Variants in KIRREL1 observed in about 807,000 individuals in gnomAD.
KIRREL1 encodes kin of IRRE-like protein 1.
KIRREL1 carries 25 observed loss-of-function variants against 83.3 expected under a neutral mutation model. The observed-to-expected ratio is 0.30, with a 90% CI of 0.22 to 0.42. The LOEUF (loss-of-function observed/expected upper bound fraction) is 0.42. Ranked by LOEUF, KIRREL1 falls within the 10% of genes least tolerant of loss-of-function variation. The pLI is 1.00. For synonymous variants in KIRREL1, 388 were observed against 410.4 expected (o/e 0.95, Z 0.66); for missense variants, 812 against 1,032.3 (o/e 0.79, Z 2.92).
At chr1:158,052,513 C>T (rs1343453035) in intron 1 of KIRREL1, among the ~76,000 whole-genome samples, 1 of 152,052 alleles carries the variant, frequency 6.6e-6, no homozygotes, top group East Asian at 1.9e-4. Flanking sequence ...GGCGCGGTGG[C>T]TCACGCCTGT....
chr1:158,061,076 A>G (rs1661204803), intron 1 of KIRREL1, among the ~76,000 whole-genome samples: 1 of 151,842 alleles, frequency 6.6e-6, no homozygotes. Context: ...TTGTTCTTGG[A>G]GCCCTCCTGT....
intron 1 of KIRREL1, among the ~76,000 whole-genome samples, chr1:158,029,293 C>T (rs1424537844): frequency 6.6e-6 from 1 of 150,508 alleles, no homozygotes; most frequent in Non-Finnish European, 1.5e-5. Flanking sequence ...AGTGCATCTT[C>T]AATAGCTGCC....
intron 1 of KIRREL1, among the ~76,000 whole-genome samples, chr1:158,023,458 A>C (rs1479017726): frequency 6.6e-6 from 1 of 152,222 alleles, no homozygotes; most frequent in East Asian, 1.9e-4. Context: ...CAATAATACC[A>C]GTCTCAAATA....
Position 158,093,670 on chromosome 1 carries a change from G to A in KIRREL1, c.1627G>A (p.Val543Met), listed in dbSNP as rs752354016. 11 of 1,614,214 alleles carry A rather than the reference G, an allele frequency of 6.8e-6. No individual in the cohort carries two copies. Among genetic ancestry groups the A allele is most frequent in the Non-Finnish European group, 7.6e-6 (9 of 1,180,046 alleles). Reference sequence around the variant, plus strand: ...GAAGCTGGATATCAAGGTGGAGACAGTGAACCGAGAGCCACTTACGATGCA... The same window carrying A: ...GAAGCTGGATATCAAGGTGGAGACAATGAACCGAGAGCCACTTACGATGCA... ...LRKLDIKVET[V>M]NREPLTMHSD... Residue 543 changes from valine (V) to methionine (M), a missense_variant, in exon 13 of 15, where the codon GTG becomes ATG. Val to Met is a conservative substitution (Grantham distance 21, BLOSUM62 1). Coordinates refer to ENST00000359209, the MANE Select transcript of KIRREL1 (RefSeq NM_018240.7).
intron 1 of KIRREL1, among the ~76,000 whole-genome samples, chr1:158,058,203 C>G (rs1319506618): frequency 6.6e-6 from 1 of 152,146 alleles, no homozygotes; most frequent in Non-Finnish European, 1.5e-5. Context: ...TCCTGCACCA[C>G]CACTGACTCA....
intron 1 of KIRREL1, among the ~76,000 whole-genome samples, chr1:158,023,669 A>G (rs1157181701): frequency 2.6e-5 from 4 of 152,176 alleles, no homozygotes; most frequent in African/African-American, 4.8e-5. Context: ...TCCTGGGTGC[A>G]CCGGGAAAAT....
intron 1 of KIRREL1, among the ~76,000 whole-genome samples, chr1:158,023,519 G>C (rs7527643): frequency 0.05 from 7,568 of 152,150 alleles, 349 homozygotes; most frequent in African/African-American, 0.12. Flanking sequence ...AGCATAAGAG[G>C]CATAATTACA....
At chr1:158,079,933 T>C (rs544512625) in intron 3 of KIRREL1, among the ~76,000 whole-genome samples, 58 of 152,310 alleles carry the variant, frequency 3.8e-4, no homozygotes, top group Admixed American at 2.0e-3. Flanking sequence ...GCCAATTTCA[T>C]TGGATGTAAA....
intron 1 of KIRREL1, among the ~76,000 whole-genome samples, chr1:158,052,792 A>C (rs1213686372): frequency 6.6e-6 from 1 of 152,174 alleles, no homozygotes; most frequent in Non-Finnish European, 1.5e-5. Context: ...TTTCAAAAAA[A>C]AAGAGAGAGA....
In KIRREL1 at chr1:158,061,870, T is replaced by C. The variant is rs186054955; in HGVS notation, c.53-14243T>C. ...GGAGGACGGGGATTTGAAGGTTGCA[T>C]AGCAGGCTGTGGATGGATGTAGGTC... On this transcript the variant is annotated intron_variant, in intron 1 of 14. Coordinates refer to ENST00000359209, the MANE Select transcript of KIRREL1 (RefSeq NM_018240.7). 2.6e-4 allele frequency among the ~76,000 whole-genome samples: 40 copies of C among 152,284 alleles called. No individual in the cohort carries two copies. The South Asian group carries it at 5.8e-3, about 22-fold the overall frequency.
chr1:157,994,191 A>T (rs1413778719), intron 1 of KIRREL1, among the ~76,000 whole-genome samples: 3 of 152,124 alleles, frequency 2.0e-5, no homozygotes, highest in Non-Finnish European at 2.9e-5. Context: ...AGATGTTGCC[A>T]AGGGGATCCC....
At chr1:158,033,352 G>A (rs1024211974) in intron 1 of KIRREL1, among the ~76,000 whole-genome samples, 3 of 152,164 alleles carry the variant, frequency 2.0e-5, no homozygotes, top group Admixed American at 6.5e-5. Flanking sequence ...GATTACAGGC[G>A]TGAGCCACCG....
At chr1:158,024,700 T>A (rs1660115921) in intron 1 of KIRREL1, among the ~76,000 whole-genome samples, 2 of 151,734 alleles carry the variant, frequency 1.3e-5, no homozygotes. Flanking sequence ...AACATAACGG[T>A]TTATAGAGGA....
chr1:158,055,415 A>T (rs1239282340), intron 1 of KIRREL1, among the ~76,000 whole-genome samples: 2 of 152,152 alleles, frequency 1.3e-5, no homozygotes, highest in East Asian at 3.9e-4. Flanking sequence ...TTTGAGAGAG[A>T]TCAGCTGGCA....
At chr1:157,999,389 T>G (rs905187587) in intron 1 of KIRREL1, among the ~76,000 whole-genome samples, 18 of 152,210 alleles carry the variant, frequency 1.2e-4, no homozygotes, top group African/African-American at 3.4e-4. Flanking sequence ...ACTTTTCACA[T>G]GTACCATTTG....
intron 3 of KIRREL1, 106 bp from the exon 4 acceptor site, chr1:158,084,316 A>C: frequency 1.8e-6 from 2 of 1,124,524 alleles, no homozygotes; most frequent in Non-Finnish European, 2.5e-6. Context: ...CCGCCTACCT[A>C]GAGGCGCACA....
intron 1 of KIRREL1, among the ~76,000 whole-genome samples, chr1:158,017,421 G>A (rs1659861008): frequency 1.3e-5 from 2 of 151,560 alleles, no homozygotes. Flanking sequence ...GCCTAGCGCA[G>A]TGGCTCACGC....
At chr1:158,069,336 G>A (rs1210288876) in intron 1 of KIRREL1, among the ~76,000 whole-genome samples, 10 of 151,438 alleles carry the variant, frequency 6.6e-5, no homozygotes, top group African/African-American at 2.4e-4. Flanking sequence ...GTGTGTGTGT[G>A]TGTGTGTGAA....
chr1:158,077,259 T>C (rs1458574586), intron 2 of KIRREL1, among the ~76,000 whole-genome samples: 1 of 151,604 alleles, frequency 6.6e-6, no homozygotes, highest in African/African-American at 2.4e-5. Context: ...AAGAGATGGG[T>C]CTGGTAGATC....
Sources: gnomAD v4.1 joint callset for allele counts (sites outside exome capture counted in the v4.1 genomes callset) on GRCh38, gnomAD v4.1.1 for gene constraint, MANE v1.5 for transcripts, NCBI Gene and HGNC (gene_info 2026-07-23, HGNC 2026-07-21) for gene names.